Variants in CLRN3 observed in about 807,000 individuals in gnomAD.
CLRN3 encodes the protein clarin-3.
Under a neutral mutation model 16.7 loss-of-function variants are expected in CLRN3, and 12 were observed. The observed-to-expected ratio is 0.72, with a 90% CI of 0.46 to 1.16. CLRN3 has a LOEUF of 1.16. Ranked by LOEUF, CLRN3 falls within the 50% of genes most tolerant of loss-of-function variation. The pLI, the probability that CLRN3 is intolerant of heterozygous loss-of-function variation, is 0.00. For synonymous variants in CLRN3, 118 were observed against 113.0 expected (o/e 1.04, Z -0.28); for missense variants, 296 against 274.2 (o/e 1.08, Z -0.56).
At chr10:127,879,926 C>T (rs549633317) in intron 2 of CLRN3, among the ~76,000 whole-genome samples, 2 of 152,258 alleles carry the variant, frequency 1.3e-5, no homozygotes, top group East Asian at 1.9e-4. Flanking sequence ...CCCTTTGAGA[C>T]TCCGTCTGCC....
chr10:127,882,566 T>C (rs562448210), intron 2 of CLRN3, among the ~76,000 whole-genome samples: 83 of 152,296 alleles, frequency 5.4e-4, no homozygotes, highest in African/African-American at 1.9e-3. Flanking sequence ...GAGCCAGTTG[T>C]TCATATTCCT....
chr10:127,883,700 G>C lies in CLRN3; in HGVS notation c.405C>G (p.Leu135=), dbSNP rs549229019. 2 of 1,611,046 alleles carry C rather than the reference G, an allele frequency of 1.2e-6. No individual in the cohort carries two copies. The highest frequency in any genetic ancestry group is 1.7e-5 in the Admixed American group (1 of 59,976). The change falls in exon 2 of 3, where the codon CTC becomes CTG. Residue 135 remains leucine (L), a synonymous_variant. Coordinates refer to ENST00000368671, the MANE Select transcript of CLRN3 (RefSeq NM_152311.5). ...GAGTCTCACAGGGCCACTCACCACC[G>C]AGCCCGTTCCAGGTGTACACCCCCG... ...GPTGVYTWNG[L]GASFVFVTMI...
intron 1 of CLRN3, among the ~76,000 whole-genome samples, chr10:127,888,308 G>A (rs115287188): frequency 1.5e-4 from 23 of 152,150 alleles, no homozygotes; most frequent in Admixed American, 1.5e-3. Flanking sequence ...AGTTGCCAGG[G>A]TTCCTTAGGG....
chr10:127,892,379 G>A (rs765685493), intron 1 of CLRN3, among the ~76,000 whole-genome samples, 177 bp downstream of exon 1: 8 of 152,200 alleles, frequency 5.3e-5, no homozygotes, highest in Admixed American at 2.6e-4. Flanking sequence ...AAGGAGAACC[G>A]AGGAAGCTCA....
chr10:127,878,155 T>C lies in CLRN3; in HGVS notation c.675A>G (p.Leu225=). 1 of 1,610,664 alleles carries C rather than the reference T, an allele frequency of 6.2e-7. No individual in the cohort carries two copies. Among genetic ancestry groups the C allele is most frequent in the Non-Finnish European group, 8.5e-7 (1 of 1,177,014 alleles). The part of the protein sequence containing the change: ...PMEYAPRDGI[L]F ...AAATGAGATGAAAGAGAATTCAGAA[T>C]AAAATTCCGTCCCTTGGAGCATATT... The change falls in exon 3 of 3, where the codon TTA becomes TTG. Residue 225 remains leucine, a synonymous_variant. Coordinates refer to ENST00000368671, the MANE Select transcript of CLRN3 (RefSeq NM_152311.5).
intron 2 of CLRN3, among the ~76,000 whole-genome samples, chr10:127,883,141 C>T (rs1845149099): frequency 6.6e-6 from 1 of 152,220 alleles, no homozygotes. Context: ...AGGTATTGCA[C>T]CCAGATTCTC....
chr10:127,888,329 T>G (rs1020449426), intron 1 of CLRN3, among the ~76,000 whole-genome samples: 4 of 152,168 alleles, frequency 2.6e-5, no homozygotes, highest in Non-Finnish European at 4.4e-5. Context: ...AGAAGTGGCC[T>G]GAGCTTGGGA....
chr10:127,884,029 C>T, intron 1 of CLRN3, 154 bp from the exon 2 acceptor site: 1 of 683,984 alleles, frequency 1.5e-6, no homozygotes, highest in South Asian at 1.7e-5. Flanking sequence ...AAGAACAAGA[C>T]CCGCATTCCC....
intron 1 of CLRN3, among the ~76,000 whole-genome samples, chr10:127,886,757 G>A (rs368588561): frequency 7.9e-5 from 12 of 152,370 alleles, no homozygotes; most frequent in African/African-American, 2.9e-4. Flanking sequence ...AAGTGGAACT[G>A]GGGACTGTGA....
rs7918202 is a variant in CLRN3 at position 127,883,395 on chromosome 10, C to A, written c.409+301G>T. ...TGGAGTTCAGCACATGGCAGGAGCCCGGTCAATATTTTGTTGACTTTTGTG... is the reference window on the plus strand; with the variant it reads ...TGGAGTTCAGCACATGGCAGGAGCCAGGTCAATATTTTGTTGACTTTTGTG... On this transcript the variant is annotated intron_variant, in intron 2 of 2. Coordinates refer to ENST00000368671, the MANE Select transcript of CLRN3 (RefSeq NM_152311.5). 3.7e-4 allele frequency among the ~76,000 whole-genome samples: 56 copies of A among 152,222 alleles called. 1 individual carries two copies. The South Asian group carries it at 0.012, about 32-fold the overall frequency.
At chr10:127,886,414 C>A (rs1224923331) in intron 1 of CLRN3, among the ~76,000 whole-genome samples, 1 of 152,212 alleles carries the variant, frequency 6.6e-6, no homozygotes, top group Non-Finnish European at 1.5e-5. Flanking sequence ...GCCTCAGGGG[C>A]TGCTGGCAAA....
intron 2 of CLRN3, among the ~76,000 whole-genome samples, chr10:127,880,372 G>C (rs910986102): frequency 2.0e-5 from 3 of 151,664 alleles, no homozygotes; most frequent in African/African-American, 7.3e-5. Context: ...TACCTGCCAG[G>C]CTTCTCCAGC....
rs1024562118 is a variant in CLRN3 at position 127,883,869 on chromosome 10, T to A, written c.236A>T (p.Glu79Val). The change falls in exon 2 of 3, where the codon GAG (glutamate) becomes GTG (valine). Residue 79 changes from glutamate (E) to valine (V), a missense_variant. By Grantham distance (121) the Glu-to-Val change is moderately radical. Transcript: ENST00000368671. ...TTTTTGGGAAGAATTATTCAGTATC[T>A]CTAAAACTAAAACAATGTTTTGTGA... ...AEPKKKFAVL[E>V]ILNNSSQKTL... The A allele has an allele frequency of 6.2e-7, 1 of 1,614,124 alleles. No individual in the cohort carries two copies. Among genetic ancestry groups the A allele is most frequent in the South Asian group, 1.1e-5 (1 of 91,078 alleles).
Position 127,878,175 on chromosome 10 carries a change from C to T in CLRN3, c.655G>A (p.Ala219Thr), listed in dbSNP as rs762378081. 3 of 1,613,546 alleles carry T rather than the reference C, an allele frequency of 1.9e-6. No individual in the cohort carries two copies. The highest frequency in any genetic ancestry group is 2.7e-5 in the African/African-American group (2 of 74,932). Residue 219 changes from alanine to threonine, a missense_variant, in exon 3 of 3, where the codon GCT becomes ACT. Ala to Thr is a moderately conservative substitution (Grantham distance 58, BLOSUM62 0). Transcript: ENST00000368671. ...KQEQRKPMEY[A>T]PRDGILF ...CAGAATAAAATTCCGTCCCTTGGAG[C>T]ATATTCCATTGGCTTTCTCTGCTCC...
chr10:127,885,358 A>T (rs1440686195), intron 1 of CLRN3, among the ~76,000 whole-genome samples: 3 of 152,126 alleles, frequency 2.0e-5, no homozygotes, highest in African/African-American at 7.2e-5. Context: ...CATCTCCACG[A>T]CTTAAACCCA....
Position 127,884,950 on chromosome 10 carries a change from G to A in CLRN3, c.230-1075C>T, listed in dbSNP as rs548241419. ...GAAAGGGATTAGGGAGAAGAGTTCC[G>A]AGTCACAGTAAGGCCACAGCAACAT... is the stretch of plus-strand genomic sequence containing the variant. On this transcript the variant is annotated intron_variant, in intron 1 of 2. Transcript: ENST00000368671. 2.8e-4 allele frequency among the ~76,000 whole-genome samples: 43 copies of A among 152,318 alleles called. No individual in the cohort carries two copies. In the South Asian group the frequency reaches 7.0e-3, roughly 25 times the overall value.
intron 1 of CLRN3, among the ~76,000 whole-genome samples, chr10:127,886,212 C>T (rs371680797): frequency 1.3e-5 from 2 of 152,178 alleles, no homozygotes; most frequent in African/African-American, 4.8e-5. Context: ...CAATGAGACC[C>T]GACAATCCCC....
intron 1 of CLRN3, 113 bp from the exon 2 acceptor site, chr10:127,883,988 G>C: frequency 1.0e-6 from 1 of 957,124 alleles, no homozygotes; most frequent in African/African-American, 1.6e-5. Flanking sequence ...TTGGATGTCA[G>C]TTAGAGATAC....
At chr10:127,889,830 C>A (rs1441267352) in intron 1 of CLRN3, among the ~76,000 whole-genome samples, 2 of 152,212 alleles carry the variant, frequency 1.3e-5, no homozygotes, top group African/African-American at 4.8e-5. Flanking sequence ...TTCCGGGGCC[C>A]TGACCACATT....
Sources: gnomAD v4.1 joint callset for allele counts (sites outside exome capture counted in the v4.1 genomes callset) on GRCh38, gnomAD v4.1.1 for gene constraint, MANE v1.5 for transcripts, NCBI Gene and HGNC (gene_info 2026-07-23, HGNC 2026-07-21) for gene names.